Variants in PDE6B observed in about 807,000 individuals in gnomAD.
PDE6B encodes rod cGMP-specific 3',5'-cyclic phosphodiesterase subunit beta.
Under a neutral mutation model 109.0 loss-of-function variants are expected in PDE6B, and 106 were observed. The observed-to-expected ratio is 0.97, with a 90% CI of 0.83 to 1.14. The LOEUF (loss-of-function observed/expected upper bound fraction) is 1.14, where lower values mean the gene tolerates loss of function less well. Among genes scored for constraint, PDE6B ranks in the 50% most tolerant of loss-of-function variants. PDE6B has a pLI of 0.00. For synonymous variants in PDE6B, 490 were observed against 471.3 expected (o/e 1.04, Z -0.51); for missense variants, 1,193 against 1,155.6 (o/e 1.03, Z -0.47).
At position 657,443 on chromosome 4, in the gene PDE6B, C is replaced by A. The variant is rs1439824126; in HGVS notation, c.1350C>A (p.Asp450Glu). The change falls in exon 10 of 22, where the codon GAC becomes GAA. Residue 450 changes from aspartate to glutamate, a missense_variant. Physicochemically the swap from Asp to Glu is conservative, Grantham distance 45 (BLOSUM62 2). Transcript: ENST00000496514. ...KLENRKDIAQ[D>E]MVLYHVKCDR... is the part of the protein sequence containing the mutation. ...AGAACCGCAAGGACATCGCACAGGACATGGTCCTTTACCACGTGAAGTGCG... is the reference window on the plus strand; with the variant it reads ...AGAACCGCAAGGACATCGCACAGGAAATGGTCCTTTACCACGTGAAGTGCG... 6.2e-7 allele frequency: 1 copy of A among 1,613,298 alleles called. No homozygotes were observed. Among genetic ancestry groups the A allele is most frequent in the East Asian group, 2.2e-5 (1 of 44,898 alleles).
intron 21 of PDE6B, among the ~76,000 whole-genome samples, 189 bp downstream of exon 21, chr4:668,195 G>A (rs1435818335): frequency 6.6e-6 from 1 of 151,964 alleles, no homozygotes; most frequent in Non-Finnish European, 1.5e-5. Context: ...CTCCACCTCG[G>A]TAGCAAACCC....
chr4:656,924 G>A lies in PDE6B; in HGVS notation c.1158G>A (p.Met386Ile), dbSNP rs138037719. Residue 386 changes from methionine (M) to isoleucine (I), a missense_variant, in exon 9 of 22, where the codon ATG (methionine) becomes ATA (isoleucine). Transcript: ENST00000496514. ...GGCTCATCAAGAATGTGCTGTCCATGCCCATCGTCAACAAGAAGGAGGAGA... is the reference window on the plus strand; with the variant it reads ...GGCTCATCAAGAATGTGCTGTCCATACCCATCGTCAACAAGAAGGAGGAGA... ...SGWLIKNVLS[M>I]PIVNKKEEIV... 1.7e-5 allele frequency: 28 copies of A among 1,612,866 alleles called. No homozygotes were observed. In the African/African-American group the frequency reaches 3.6e-4, roughly 21 times the overall value.
At chr4:668,298 G>C (rs1738032869) in intron 21 of PDE6B, among the ~76,000 whole-genome samples, 1 of 151,882 alleles carries the variant, frequency 6.6e-6, no homozygotes, top group African/African-American at 2.4e-5. Flanking sequence ...GGACTTAGTT[G>C]CAACAAGTCA....
In PDE6B at chr4:670,253, T is replaced by A; in HGVS notation, c.*146T>A. 5 of 1,352,574 alleles carry A rather than the reference T, an allele frequency of 3.7e-6. No homozygotes were observed. The highest frequency in any genetic ancestry group is 4.9e-6 in the Non-Finnish European group (5 of 1,013,334). 83.8% of individuals were successfully genotyped at this position (1,352,574 alleles called of 1,614,324 possible). ...TGGATATTTTAATTTTTTTTTTTTT[T>A]TTTTTTTGAGATGGAGTCTTGCTCT... On this transcript the variant is annotated 3_prime_UTR_variant, in exon 22 of 22. Transcript: ENST00000496514.
At position 667,895 on chromosome 4, in the gene PDE6B, G is replaced by T; in HGVS notation, c.2392G>T (p.Asp798Tyr). Residue 798 changes from aspartate to tyrosine, a missense_variant, in exon 21 of 22, where the codon GAC (aspartate) becomes TAC (tyrosine). Coordinates refer to ENST00000496514, the MANE Select transcript of PDE6B (RefSeq NM_000283.4). ...RFHEEILPMFDRLQNNRKEWK... is the reference protein window; with the variant it reads ...RFHEEILPMFYRLQNNRKEWK... Reference sequence around the variant, plus strand: ...CCACGAAGAGATCCTGCCCATGTTCGACCGACTGCAGAACAATAGGAAAGA... The same window carrying T: ...CCACGAAGAGATCCTGCCCATGTTCTACCGACTGCAGAACAATAGGAAAGA... The T allele has an allele frequency of 1.9e-6, 3 of 1,613,454 alleles. No individual in the cohort carries two copies. The highest frequency in any genetic ancestry group is 1.1e-5 in the South Asian group (1 of 91,020).
intron 5 of PDE6B, 67 bp from the exon 6 acceptor site, chr4:654,757 G>T (rs1264555684): frequency 1.2e-6 from 1 of 842,218 alleles, no homozygotes; most frequent in African/African-American, 1.7e-5. Flanking sequence ...ATGTAGCTGT[G>T]TGTGTGTGTG....
chr4:633,425 C>T lies in PDE6B; in HGVS notation c.469-1252C>T, dbSNP rs1458780331. On this transcript the variant is annotated intron_variant, in intron 1 of 21. Coordinates refer to ENST00000496514, the MANE Select transcript of PDE6B (RefSeq NM_000283.4). The surrounding 1 kb of genome is among the most constrained non-coding windows in gnomAD (Gnocchi z 4.5). ...AAATGAGGAGCAGGAAGGGTGGGTG[C>T]CATTTAGGAGCACGCTAGCACCTCG... Among the ~76,000 whole-genome samples, 3 of 151,996 alleles carry T rather than the reference C, an allele frequency of 2.0e-5. No homozygotes were observed. Among genetic ancestry groups the T allele is most frequent in the Non-Finnish European group, 2.9e-5 (2 of 67,972 alleles).
intron 3 of PDE6B, among the ~76,000 whole-genome samples, chr4:651,307 A>AG (rs1735528058): frequency 1.3e-5 from 2 of 148,630 alleles, no homozygotes; most frequent in African/African-American, 2.5e-5. Flanking sequence ...GCAGGGGCTG[A>AG]CCCGTGGGGT....
chr4:669,978 C>T, intron 21 of PDE6B, 68 bp from the exon 22 acceptor site: 2 of 1,318,624 alleles, frequency 1.5e-6, no homozygotes, highest in Non-Finnish European at 2.2e-6. Flanking sequence ...TCACACCAGG[C>T]AGGAGGGAAG....
intron 20 of PDE6B, among the ~76,000 whole-genome samples, chr4:667,100 T>A (rs533081672): frequency 6.6e-6 from 1 of 152,342 alleles, no homozygotes; most frequent in South Asian, 2.1e-4. Context: ...CACAGTCCGA[T>A]GCCAGCTGAG....
rs199688757 is a variant in PDE6B at position 646,433 on chromosome 4, CT to C, written c.712-7417del. Among the ~76,000 whole-genome samples, 1,330 of 152,018 alleles carry C rather than the reference CT, an allele frequency of 8.7e-3. 29 individuals are homozygous for C. The highest frequency in any genetic ancestry group is 0.02 in the Middle Eastern group (6 of 294). Reference sequence around the variant, plus strand: ...TGTCTGCAGTTTGAATATGACGTGCCTTAGGATCAGTTTTTTGGCATTTGTC... The same window carrying C: ...TGTCTGCAGTTTGAATATGACGTGCCTAGGATCAGTTTTTTGGCATTTGTC... On this transcript the variant is annotated intron_variant, in intron 3 of 21. Transcript: ENST00000496514.
At chr4:628,583 C>G (rs1734232633) in intron 1 of PDE6B, among the ~76,000 whole-genome samples, 1 of 152,238 alleles carries the variant, frequency 6.6e-6, no homozygotes, top group Non-Finnish European at 1.5e-5. Context: ...GCAGGGCAGG[C>G]AGGCCCCGGG....
At chr4:634,405 G>T (rs1451670399) in intron 1 of PDE6B, among the ~76,000 whole-genome samples, 5 of 152,150 alleles carry the variant, frequency 3.3e-5, no homozygotes, top group Non-Finnish European at 7.4e-5. Flanking sequence ...AGGCAGGGCG[G>T]GGCCCCCCAT....
At position 663,840 on chromosome 4, in the gene PDE6B, T is replaced by C. The variant is rs1737440165; in HGVS notation, c.1991T>C (p.Ile664Thr). Residue 664 changes from isoleucine (I) to threonine (T), a missense_variant, in exon 16 of 22, where the codon ATC (isoleucine) becomes ACC (threonine). Coordinates refer to ENST00000496514, the MANE Select transcript of PDE6B (RefSeq NM_000283.4). The surrounding 1 kb of genome is among the most constrained non-coding windows in gnomAD (Gnocchi z 4.0). ...GTGATCCACCTGATGGACATCGCCATCATCGCCACGGACCTGGCCCTGTAC... is the reference window on the plus strand; with the variant it reads ...GTGATCCACCTGATGGACATCGCCACCATCGCCACGGACCTGGCCCTGTAC... ...EHVIHLMDIA[I>T]IATDLALYFK... The C allele has an allele frequency of 1.2e-6, 2 of 1,612,276 alleles. No individual in the cohort carries two copies. Among genetic ancestry groups the C allele is most frequent in the Non-Finnish European group, 1.7e-6 (2 of 1,179,386 alleles).
intron 3 of PDE6B, among the ~76,000 whole-genome samples, chr4:637,201 A>G (rs1208903238): frequency 6.8e-6 from 1 of 147,198 alleles, no homozygotes; most frequent in Admixed American, 6.8e-5. Context: ...TGACCCCATC[A>G]CTGTGGGGTT....
At chr4:627,085 G>A (rs10017435) in intron 1 of PDE6B, among the ~76,000 whole-genome samples, 3,617 of 152,210 alleles carry the variant, frequency 0.024, 144 homozygotes, top group African/African-American at 0.083. Flanking sequence ...CAGCCCAGGG[G>A]CAGGTGTGGT....
chr4:655,179 G>T (rs1397648807), intron 6 of PDE6B: 21 of 502,194 alleles, frequency 4.2e-5, no homozygotes, highest in Non-Finnish European at 6.6e-5. Flanking sequence ...AAGCTGTCCA[G>T]GCGGCCTCGT....
intron 21 of PDE6B, among the ~76,000 whole-genome samples, chr4:668,477 T>C (rs1577312324): frequency 5.4e-5 from 7 of 130,434 alleles, no homozygotes; most frequent in South Asian, 2.6e-4. Context: ...CACTACCCCA[T>C]GCTGCTCCCA....
In PDE6B at chr4:666,706, G is replaced by C. The variant is rs547718230; in HGVS notation, c.2352+92G>C. 1.4e-5 allele frequency: 12 copies of C among 834,098 alleles called. No individual in the cohort carries two copies. The highest frequency in any genetic ancestry group is 4.5e-4 in the Middle Eastern group (2 of 4,418). 51.7% of individuals were successfully genotyped at this position (834,098 alleles called of 1,614,324 possible). ...GGCTGGAGTCGCGTGGACTCACACG[G>C]GCCCGGCGGTGTCCTCACTGGAGTA... On this transcript the variant is annotated intron_variant, in intron 20 of 21. Coordinates refer to ENST00000496514, the MANE Select transcript of PDE6B (RefSeq NM_000283.4). This position sits in a 1 kb window ranked among gnomAD's most constrained non-coding sequence, Gnocchi z 5.6.
Sources: allele counts gnomAD v4.1 joint callset (sites outside exome capture counted in the v4.1 genomes callset), GRCh38; gene constraint gnomAD v4.1.1; non-coding constraint Gnocchi (gnomAD v3.1); transcripts MANE v1.5; gene names NCBI Gene and HGNC (gene_info 2026-07-23, HGNC 2026-07-21).